DACH1: variants seen among roughly 807,000 people sequenced by gnomAD.
The protein encoded by DACH1 is dachshund homolog 1.
DACH1 carries 12 observed loss-of-function variants against 54.2 expected under a neutral mutation model. The ratio of observed to expected loss-of-function variants is 0.22; its 90% CI spans 0.14 to 0.36. The LOEUF is 0.36. Among genes scored for constraint, DACH1 ranks in the 10% least tolerant of loss-of-function variants. The pLI is 1.00. For missense variants in DACH1, 805 were observed against 929.8 expected, an observed-to-expected ratio of 0.87 and a Z score of 1.75; for synonymous variants, 386 against 366.2, an observed-to-expected ratio of 1.05 and a Z score of -0.62.
intron 1 of DACH1, among the ~76,000 whole-genome samples, chr13:71,770,128 C>T (rs541105360): frequency 6.6e-6 from 1 of 151,780 alleles, no homozygotes; most frequent in South Asian, 2.1e-4. Flanking sequence ...GTCACTGTGT[C>T]ATATTAAGTA....
intron 6 of DACH1, among the ~76,000 whole-genome samples, chr13:71,545,533 AGAAG>A (rs1883408776): frequency 6.7e-6 from 1 of 149,686 alleles, no homozygotes; most frequent in South Asian, 2.2e-4. Context: ...AAAGGAAGGA[AGAAG>A]GGAGGGAAGG....
chr13:71,712,352 T>C (rs1882760012), intron 1 of DACH1, among the ~76,000 whole-genome samples: 3 of 152,092 alleles, frequency 2.0e-5, no homozygotes, highest in African/African-American at 7.2e-5. Context: ...GCAATGATTA[T>C]GTCTGGGGTA....
rs368793030 is a variant in DACH1 at position 71,865,311 on chromosome 13, G to C, written c.848+611C>G. Among the ~76,000 whole-genome samples, 231 of 152,262 alleles carry C rather than the reference G, an allele frequency of 1.5e-3. 1 individual carries two copies. The highest frequency in any genetic ancestry group is 5.3e-3 in the African/African-American group (220 of 41,578). On this transcript the variant is annotated intron_variant, in intron 1 of 10. Transcript: ENST00000613252. The stretch of plus-strand genomic sequence containing the variant: ...GATGGACCCGGTCTCTCAGCTTCGC[G>C]GGTCATTTCCCTCCCGACCTCAAAG...
chr13:71,471,753 A>G (rs916957349), intron 10 of DACH1, among the ~76,000 whole-genome samples: 4 of 151,114 alleles, frequency 2.6e-5, no homozygotes, highest in African/African-American at 9.7e-5. Context: ...CTCTGTCTCA[A>G]AAAAAAAAGA....
intron 1 of DACH1, among the ~76,000 whole-genome samples, chr13:71,803,591 G>C (rs1566510421): frequency 6.6e-6 from 1 of 151,934 alleles, no homozygotes; most frequent in Non-Finnish European, 1.5e-5. Flanking sequence ...CTTATATTTT[G>C]AAGTCTCTAC....
intron 10 of DACH1, among the ~76,000 whole-genome samples, chr13:71,450,240 C>A (rs113046471): frequency 6.6e-6 from 1 of 151,116 alleles, no homozygotes; most frequent in African/African-American, 2.4e-5. Context: ...GTGGCAACTC[C>A]GCACTGGGGA....
At chr13:71,601,808 T>G (rs893743514) in intron 3 of DACH1, among the ~76,000 whole-genome samples, 3 of 151,986 alleles carry the variant, frequency 2.0e-5, no homozygotes, top group Non-Finnish European at 4.4e-5. Flanking sequence ...ATAGCATATT[T>G]TAAAATAGTA....
intron 3 of DACH1, among the ~76,000 whole-genome samples, chr13:71,623,264 T>C (rs756733581): frequency 6.6e-6 from 1 of 151,720 alleles, no homozygotes; most frequent in East Asian, 1.9e-4. Context: ...TGCAGAATAA[T>C]GCTATCCAAT....
At chr13:71,748,746 A>C (rs1049582830) in intron 1 of DACH1, among the ~76,000 whole-genome samples, 2 of 152,206 alleles carry the variant, frequency 1.3e-5, no homozygotes, top group African/African-American at 4.8e-5. Flanking sequence ...AAACAAAAAC[A>C]TATGGGACAT....
intron 1 of DACH1, among the ~76,000 whole-genome samples, chr13:71,779,169 A>G (rs1008502880): frequency 5.9e-5 from 4 of 68,376 alleles, no homozygotes; most frequent in South Asian, 3.2e-4. Context: ...GTATATACGT[A>G]TATATATACA....
chr13:71,719,812 C>T lies in DACH1; in HGVS notation c.849-37902G>A, dbSNP rs139588021. On this transcript the variant is annotated intron_variant, in intron 1 of 10. Transcript: ENST00000613252. ...CACAGGAGGTTGAGGCTGCACTGAGCTGTGATCACGCCACTGCACTCCAGC... is the reference window on the plus strand; with the variant it reads ...CACAGGAGGTTGAGGCTGCACTGAGTTGTGATCACGCCACTGCACTCCAGC... Among the ~76,000 whole-genome samples, 68 of 152,208 alleles carry T rather than the reference C, an allele frequency of 4.5e-4. No individual in the cohort carries two copies. In the East Asian group the frequency reaches 0.012, roughly 26 times the overall value.
chr13:71,748,188 G>T (rs768025647), intron 1 of DACH1, among the ~76,000 whole-genome samples: 48 of 151,650 alleles, frequency 3.2e-4, no homozygotes, highest in Middle Eastern at 3.4e-3. Flanking sequence ...AAAAAAAAAG[G>T]AGCAAGCTCC....
At chr13:71,813,486 C>G (rs2138157271) in intron 1 of DACH1, among the ~76,000 whole-genome samples, 1 of 152,304 alleles carries the variant, frequency 6.6e-6, no homozygotes, top group South Asian at 2.1e-4. Flanking sequence ...ACTCCATCCA[C>G]AGATGCCTAC....
At chr13:71,470,896 A>G (rs1026513779) in intron 10 of DACH1, among the ~76,000 whole-genome samples, 1 of 152,156 alleles carries the variant, frequency 6.6e-6, no homozygotes, top group Non-Finnish European at 1.5e-5. Flanking sequence ...GGCATTGAAC[A>G]AGGAACTGCA....
chr13:71,758,430 A>G (rs1176337433), intron 1 of DACH1, among the ~76,000 whole-genome samples: 2 of 152,234 alleles, frequency 1.3e-5, no homozygotes, highest in Non-Finnish European at 2.9e-5. Flanking sequence ...CAAAGTAAAT[A>G]AATGTTTTAT....
At chr13:71,555,107 T>C (rs1884154260) in intron 6 of DACH1, among the ~76,000 whole-genome samples, 1 of 152,158 alleles carries the variant, frequency 6.6e-6, no homozygotes, top group Non-Finnish European at 1.5e-5. Context: ...ATTCATTGTA[T>C]AACATAAATT....
At chr13:71,673,677 T>A (rs1035337009) in intron 2 of DACH1, among the ~76,000 whole-genome samples, 3 of 152,044 alleles carry the variant, frequency 2.0e-5, no homozygotes, top group Non-Finnish European at 4.4e-5. Flanking sequence ...GGTTAATGGG[T>A]GCAGCAAACC....
intron 1 of DACH1, among the ~76,000 whole-genome samples, chr13:71,852,192 G>A (rs1873711866): frequency 1.3e-5 from 2 of 152,188 alleles, no homozygotes; most frequent in South Asian, 2.1e-4. Flanking sequence ...GGAGCCAGCC[G>A]AGTTCAGAGG....
chr13:71,852,364 C>CT lies in DACH1; in HGVS notation c.848+13557dup, dbSNP rs71748292. Among the ~76,000 whole-genome samples the CT allele has an allele frequency of 6.3e-3, 912 of 145,276 alleles. 6 individuals carry two copies. Among genetic ancestry groups the CT allele is most frequent in the African/African-American group, 0.016 (620 of 39,992 alleles). On this transcript the variant is annotated intron_variant, in intron 1 of 10. Transcript: ENST00000613252. ...AAACATTGTTACATTTAAAGTGCTG[C>CT]TTTTTTTTTTTTTTCCTAATCAGAA...
Sources: gnomAD v4.1 joint callset for allele counts (sites outside exome capture counted in the v4.1 genomes callset) on GRCh38, gnomAD v4.1.1 for gene constraint, MANE v1.5 for transcripts, NCBI Gene and HGNC (gene_info 2026-07-23, HGNC 2026-07-21) for gene names.